Variants in ACOT9 observed in about 807,000 individuals in gnomAD.
ACOT9 encodes the protein acyl-coenzyme A thioesterase 9, mitochondrial.
Under a neutral mutation model 39.7 loss-of-function variants are expected in ACOT9, and 34 were observed. That is an observed-to-expected ratio of 0.86 (90% CI 0.65 to 1.14). ACOT9 has a LOEUF of 1.14. Ranked by LOEUF, ACOT9 falls within the 50% of genes most tolerant of loss-of-function variation. The probability of loss-of-function intolerance (pLI) is 0.00; values close to 1 mark genes in which losing one functional copy is unlikely to be tolerated. For synonymous variants in ACOT9, 110 were observed against 120.5 expected (o/e 0.91, Z 0.57); for missense variants, 313 against 344.1 (o/e 0.91, Z 0.71).
chrX:23,712,685 A>C (rs1031032119), intron 9 of ACOT9, among the ~76,000 whole-genome samples: 1 of 111,792 alleles, frequency 8.9e-6, no homozygotes, highest in Non-Finnish European at 1.9e-5. Flanking sequence ...CAATGGCGCA[A>C]TCTCGGCACA....
In ACOT9 at chrX:23,718,375, G is replaced by A. The variant is rs150015883; in HGVS notation, c.588+3506C>T. Among the ~76,000 whole-genome samples the A allele has an allele frequency of 2.5e-3, 284 of 111,995 alleles. 1 individual carries two copies. The highest frequency in any genetic ancestry group is 8.6e-3 in the African/African-American group (265 of 30,908). ...CTCTGGAATAAAAAGGATCACTCGA[G>A]TCATGAGTTATTAGTCAAATAGCCA... On this transcript the variant is annotated intron_variant, in intron 8 of 15. Coordinates refer to ENST00000379303, the MANE Select transcript of ACOT9 (RefSeq NM_001037171.2).
intron 6 of ACOT9, among the ~76,000 whole-genome samples, chrX:23,723,725 T>C (rs1415528582): frequency 2.7e-5 from 3 of 111,157 alleles, no homozygotes; most frequent in African/African-American, 9.8e-5. Flanking sequence ...TAAATACTTG[T>C]TGAGTAAGTG....
chrX:23,719,979 C>T (rs1156601094), intron 8 of ACOT9, among the ~76,000 whole-genome samples: 1 of 108,225 alleles, frequency 9.2e-6, no homozygotes, highest in Non-Finnish European at 1.9e-5. Flanking sequence ...GGATTACAGG[C>T]ACCCGCCACC....
At chrX:23,709,564 T>A (rs1222128561) in intron 9 of ACOT9, among the ~76,000 whole-genome samples, 1 of 111,885 alleles carries the variant, frequency 8.9e-6, no homozygotes, top group African/African-American at 3.2e-5. Flanking sequence ...ATGGGTGTTA[T>A]TCTTCCCTCA....
intron 6 of ACOT9, among the ~76,000 whole-genome samples, chrX:23,729,105 G>C (rs181642402): frequency 1.1e-4 from 12 of 111,331 alleles, no homozygotes; most frequent in African/African-American, 3.9e-4. Context: ...TAATTACAAA[G>C]GGGAAAAGAG....
Position 23,743,109 on chromosome X carries a change from A to G in ACOT9, c.20+16T>C. On this transcript the variant is annotated intron_variant, in intron 1 of 15. Transcript: ENST00000379303. ...GGCTACCGCCCTGCCAGCCCCTTCC[A>G]CGCCCCGCCACCTACCGCAGTGCTG... is the stretch of plus-strand genomic sequence containing the variant. The G allele has an allele frequency of 8.7e-7, 1 of 1,153,606 alleles. No individual in the cohort carries two copies. Among genetic ancestry groups the G allele is most frequent in the East Asian group, 3.4e-5 (1 of 29,335 alleles).
In ACOT9 at chrX:23,702,907, T is replaced by C. The variant is rs1229734730; in HGVS notation, c.*987A>G. The C allele has an allele frequency of 8.9e-6, 1 of 112,102 alleles. No individual in the cohort carries two copies. The highest frequency in any genetic ancestry group is 2.8e-4 in the East Asian group (1 of 3,581). 9.2% of individuals were successfully genotyped at this position (112,102 alleles called of 1,213,427 possible). ...CTCCATAAGCATAAGCAGCTATTAT[T>C]ATTGTGGTTCCTATTTTTTAAATCA... On this transcript the variant is annotated 3_prime_UTR_variant, in exon 16 of 16. Transcript: ENST00000379303.
At chrX:23,706,807 G>A in intron 10 of ACOT9, 68 bp from the exon 11 acceptor site, 1 of 623,750 alleles carries the variant, frequency 1.6e-6, no homozygotes, top group Non-Finnish European at 2.5e-6. Context: ...ATTCTGACCT[G>A]GGATGCCTTT....
At chrX:23,727,197 G>T (rs1929563688) in intron 6 of ACOT9, among the ~76,000 whole-genome samples, 1 of 112,442 alleles carries the variant, frequency 8.9e-6, no homozygotes, top group South Asian at 3.6e-4. Flanking sequence ...AAAGGCTCAG[G>T]AAATGAGGGA....
At chrX:23,741,226 A>G (rs1225152908) in intron 1 of ACOT9, among the ~76,000 whole-genome samples, 1 of 110,659 alleles carries the variant, frequency 9.0e-6, no homozygotes, top group African/African-American at 3.3e-5. Context: ...TGAAAATGTA[A>G]ACTGGTACAG....
rs1928657282 is a variant in ACOT9, at chrX:23,705,784, T to C, written c.917A>G (p.Glu306Gly). Residue 306 changes from glutamate (E) to glycine (G), a missense_variant, in exon 12 of 16, where the codon GAA becomes GGA. By Grantham distance (98) the Glu-to-Gly change is moderately conservative. Transcript: ENST00000379303. ...TTATAATACCTGAGGGTGGCAAATTTCCAAACTCTTCAGTTTTGAATTCTC... is the reference window on the plus strand; with the variant it reads ...TTATAATACCTGAGGGTGGCAAATTCCCAAACTCTTCAGTTTTGAATTCTC... ...WMENSKLKSL[E>G]ICHPQERNIF... The C allele has an allele frequency of 1.7e-6, 2 of 1,210,404 alleles. No individual in the cohort carries two copies. The highest frequency in any genetic ancestry group is 3.5e-5 in the South Asian group (2 of 56,977).
intron 1 of ACOT9, 126 bp downstream of exon 1, chrX:23,742,999 T>C: frequency 1.2e-6 from 1 of 861,857 alleles, no homozygotes; most frequent in Non-Finnish European, 1.5e-6. Flanking sequence ...GAGCGCCCCT[T>C]ATCATAGAGC....
intron 3 of ACOT9, among the ~76,000 whole-genome samples, chrX:23,734,073 C>T (rs1308877574): frequency 8.9e-6 from 1 of 111,956 alleles, no homozygotes; most frequent in Non-Finnish European, 1.9e-5. Flanking sequence ...CACCTATCTT[C>T]TTATACGCAG....
chrX:23,708,382 T>C (rs10127069), intron 9 of ACOT9, among the ~76,000 whole-genome samples: 15,896 of 108,266 alleles, frequency 0.15, 1,031 homozygotes, highest in Non-Finnish European at 0.19. Flanking sequence ...AATACAAAAT[T>C]AGCCGGGCGT....
chrX:23,737,757 G>A (rs771454448), intron 1 of ACOT9, among the ~76,000 whole-genome samples: 201 of 111,487 alleles, frequency 1.8e-3, no homozygotes, highest in Non-Finnish European at 3.1e-3. Flanking sequence ...TGGGGTTTTG[G>A]ATCTGTTTAT....
intron 3 of ACOT9, 90 bp downstream of exon 3, chrX:23,734,251 T>C (rs1299677916): frequency 3.8e-6 from 3 of 783,930 alleles, no homozygotes; most frequent in Non-Finnish European, 5.5e-6. Flanking sequence ...CAATTTTAGT[T>C]AATGCCACTG....
In ACOT9 at chrX:23,742,213, T is replaced by TGAGTGAGA. The variant is rs1555941896; in HGVS notation, c.20+911_20+912insTCTCACTC. 1.7e-3 allele frequency among the ~76,000 whole-genome samples: 114 copies of TGAGTGAGA among 68,863 alleles called. 1 individual carries two copies. Among genetic ancestry groups the TGAGTGAGA allele is most frequent in the African/African-American group, 2.5e-3 (33 of 13,318 alleles). 59.8% of individuals were successfully genotyped at this position (68,863 alleles called of 115,157 possible). A position where few individuals can be genotyped will look rare whatever the true frequency, so the allele number is the denominator to read the frequency against. ...AAAGTCCCCAGGAACAGTGAGTGAGTGAGAGAGAGAGAGAGAGAGAGAGGG... is the reference window on the plus strand; with the variant it reads ...AAAGTCCCCAGGAACAGTGAGTGAGTGAGTGAGAGAGAGAGAGAGAGAGAGAGAGAGGG... On this transcript the variant is annotated intron_variant, in intron 1 of 15. Coordinates refer to ENST00000379303, the MANE Select transcript of ACOT9 (RefSeq NM_001037171.2).
At chrX:23,707,005 G>A (rs1174629334) in intron 10 of ACOT9, 13 of 210,191 alleles carry the variant, frequency 6.2e-5, no homozygotes, top group East Asian at 2.7e-4. Context: ...TCATTAAAAC[G>A]GAGAAAACAG....
At chrX:23,708,098 G>T (rs1928762895) in intron 9 of ACOT9, among the ~76,000 whole-genome samples, 154 bp from the exon 10 acceptor site, 1 of 112,352 alleles carries the variant, frequency 8.9e-6, no homozygotes, top group African/African-American at 3.2e-5. Flanking sequence ...AACAATTAGG[G>T]AAGCCTTACA....
Sources: allele counts gnomAD v4.1 joint callset (sites outside exome capture counted in the v4.1 genomes callset), GRCh38; gene constraint gnomAD v4.1.1; transcripts MANE v1.5; gene names NCBI Gene and HGNC (gene_info 2026-07-23, HGNC 2026-07-21).